Variants in CUL1 observed in about 807,000 individuals in gnomAD.
The protein encoded by CUL1 is cullin-1.
Under a neutral mutation model 118.0 loss-of-function variants are expected in CUL1, and 24 were observed. That is an observed-to-expected ratio of 0.20 (90% CI 0.15 to 0.29). CUL1 has a LOEUF of 0.29. Ranked by LOEUF, CUL1 falls within the 10% of genes least tolerant of loss-of-function variation. CUL1 has a pLI of 1.00. For missense variants in CUL1, 361 were observed against 933.8 expected, an observed-to-expected ratio of 0.39 and a Z score of 7.99; for synonymous variants, 332 against 340.4, an observed-to-expected ratio of 0.98 and a Z score of 0.27.
intron 9 of CUL1, among the ~76,000 whole-genome samples, chr7:148,774,672 A>C (rs959722993): frequency 6.6e-6 from 1 of 152,162 alleles, no homozygotes. Flanking sequence ...CCTCTTTGAA[A>C]CCATATCTTG....
Position 148,741,586 on chromosome 7 carries a change from G to A in CUL1, c.140+11324G>A, listed in dbSNP as rs554375101. On this transcript the variant is annotated intron_variant, in intron 2 of 21. Transcript: ENST00000325222. ...CCCGAGTAGCTGGAACCGCAGGTGTGCATCACCATGCCCAGCTAATTTTGG... is the reference window on the plus strand; with the variant it reads ...CCCGAGTAGCTGGAACCGCAGGTGTACATCACCATGCCCAGCTAATTTTGG... Among the ~76,000 whole-genome samples the A allele has an allele frequency of 1.3e-3, 192 of 150,592 alleles. 1 individual carries two copies. Among genetic ancestry groups the A allele is most frequent in the African/African-American group, 4.4e-3 (178 of 40,612 alleles).
intron 1 of CUL1, among the ~76,000 whole-genome samples, chr7:148,704,161 C>CT (rs1277846256): frequency 7.2e-6 from 1 of 138,628 alleles, no homozygotes; most frequent in African/African-American, 2.7e-5. Flanking sequence ...AAGCGGCCCC[C>CT]CCCCACCCCC....
At chr7:148,751,809 G>C (rs1334953488) in intron 2 of CUL1, among the ~76,000 whole-genome samples, 1 of 152,130 alleles carries the variant, frequency 6.6e-6, no homozygotes, top group Admixed American at 6.5e-5. Context: ...ATTACAGTTT[G>C]TATAATTTAA....
chr7:148,780,074 G>A (rs956055327), intron 9 of CUL1, among the ~76,000 whole-genome samples: 5 of 151,656 alleles, frequency 3.3e-5, no homozygotes, highest in Admixed American at 2.6e-4. Context: ...CCTATTGTGG[G>A]ACCTTGTGAT....
chr7:148,752,370 C>A (rs1409200456), intron 2 of CUL1, among the ~76,000 whole-genome samples: 1 of 150,074 alleles, frequency 6.7e-6, no homozygotes, highest in Admixed American at 6.6e-5. Flanking sequence ...AAAACTGGGT[C>A]ATGAGTATAC....
intron 7 of CUL1, among the ~76,000 whole-genome samples, chr7:148,762,564 A>G (rs989369531): frequency 2.0e-5 from 3 of 152,216 alleles, no homozygotes; most frequent in Non-Finnish European, 2.9e-5. Flanking sequence ...AAACGTTAAC[A>G]TTGCCTGTTA....
intron 14 of CUL1, among the ~76,000 whole-genome samples, chr7:148,788,916 G>C (rs1800912166): frequency 6.6e-6 from 1 of 152,202 alleles, no homozygotes; most frequent in South Asian, 2.1e-4. Flanking sequence ...TTGGGATCTG[G>C]GGAGGGACTC....
intron 1 of CUL1, among the ~76,000 whole-genome samples, chr7:148,712,546 A>T (rs1378391667): frequency 6.6e-6 from 1 of 152,216 alleles, no homozygotes. Flanking sequence ...AAAAATAAGC[A>T]TGGGTGGTTT....
chr7:148,720,921 A>G (rs1209728810), intron 1 of CUL1, among the ~76,000 whole-genome samples: 1 of 152,242 alleles, frequency 6.6e-6, no homozygotes, highest in African/African-American at 2.4e-5. Flanking sequence ...TTACATGAAT[A>G]TATAGCCTAA....
At chr7:148,753,130 C>T (rs1373228198) in intron 2 of CUL1, among the ~76,000 whole-genome samples, 1 of 152,060 alleles carries the variant, frequency 6.6e-6, no homozygotes, top group East Asian at 1.9e-4. Context: ...TGCCCTCATG[C>T]CATTTATTAG....
chr7:148,736,286 A>T (rs945994805), intron 2 of CUL1, among the ~76,000 whole-genome samples: 7 of 152,120 alleles, frequency 4.6e-5, no homozygotes, highest in African/African-American at 1.7e-4. Flanking sequence ...ATCTTTCTGG[A>T]GGGAAATTTA....
intron 1 of CUL1, among the ~76,000 whole-genome samples, chr7:148,723,801 T>TC (rs1261593992): frequency 1.3e-5 from 2 of 151,894 alleles, no homozygotes; most frequent in African/African-American, 4.8e-5. Context: ...TTTTTTTTTT[T>TC]TCTTTTTAAA....
At chr7:148,760,763 A>G (rs559647339) in intron 7 of CUL1, among the ~76,000 whole-genome samples, 2 of 152,330 alleles carry the variant, frequency 1.3e-5, no homozygotes, top group South Asian at 4.1e-4. Flanking sequence ...TTATTGTAGA[A>G]TGTGGATTTA....
chr7:148,784,668 T>G (rs1304208625), intron 11 of CUL1, among the ~76,000 whole-genome samples: 4 of 152,202 alleles, frequency 2.6e-5, no homozygotes, highest in Non-Finnish European at 5.9e-5. Context: ...ATTTCAGATA[T>G]CACAACAATA....
intron 2 of CUL1, among the ~76,000 whole-genome samples, chr7:148,739,014 G>C (rs243503): frequency 0.31 from 47,596 of 152,098 alleles, 8,177 homozygotes; most frequent in South Asian, 0.48. Flanking sequence ...CAGCGGGGAG[G>C]CTCCGGCCCT....
intron 2 of CUL1, among the ~76,000 whole-genome samples, chr7:148,735,130 G>T (rs1798896765): frequency 6.6e-6 from 1 of 152,240 alleles, no homozygotes; most frequent in Non-Finnish European, 1.5e-5. Context: ...ATGAGAATGA[G>T]ATTGGTCTTG....
At chr7:148,766,527 A>G (rs771583240) in intron 7 of CUL1, 34 bp from the exon 8 acceptor site, 2 of 1,565,992 alleles carry the variant, frequency 1.3e-6, no homozygotes, top group African/African-American at 1.4e-5. Context: ...TTACCAATGA[A>G]TCAAAACCAT....
At chr7:148,780,719 A>G (rs1370185247) in intron 9 of CUL1, among the ~76,000 whole-genome samples, 1 of 152,268 alleles carries the variant, frequency 6.6e-6, no homozygotes, top group Non-Finnish European at 1.5e-5. Context: ...CCTTAGGGAC[A>G]AGCCCTGGGA....
At chr7:148,762,035 T>C (rs1799847805) in intron 7 of CUL1, among the ~76,000 whole-genome samples, 2 of 152,152 alleles carry the variant, frequency 1.3e-5, no homozygotes, top group Non-Finnish European at 2.9e-5. Flanking sequence ...GCTGGTCACC[T>C]CCTGTTGTGC....
Sources: gnomAD v4.1 joint callset for allele counts (sites outside exome capture counted in the v4.1 genomes callset) on GRCh38, gnomAD v4.1.1 for gene constraint, MANE v1.5 for transcripts, NCBI Gene and HGNC (gene_info 2026-07-23, HGNC 2026-07-21) for gene names.